FCRL2: variants seen among roughly 807,000 people sequenced by gnomAD.
FCRL2 encodes the protein Fc receptor like 2, also known as Fc receptor-like protein 2.
In FCRL2, 48 loss-of-function variants were observed where a neutral mutation model predicts 59.8. That is an observed-to-expected ratio of 0.80 (90% confidence interval 0.64 to 1.02). The LOEUF (loss-of-function observed/expected upper bound fraction) is 1.02, where lower values mean the gene tolerates loss of function less well. Among genes scored for constraint, FCRL2 ranks in the 50% least tolerant of loss-of-function variants. The probability of loss-of-function intolerance (pLI) is 0.00; values close to 1 mark genes in which losing one functional copy is unlikely to be tolerated. For synonymous variants in FCRL2, 251 were observed against 229.5 expected (o/e 1.09, Z -0.85); for missense variants, 658 against 597.3 (o/e 1.10, Z -1.06).
At chr1:157,766,711 A>G (rs905136664) in intron 7 of FCRL2, 144 bp downstream of exon 7, 22 of 1,355,952 alleles carry the variant, frequency 1.6e-5, no homozygotes, top group Non-Finnish European at 2.2e-5. Context: ...CATTGCACAG[A>G]GCCTTGCAGA....
chr1:157,766,736 A>C, intron 7 of FCRL2, 119 bp downstream of exon 7: 1 of 1,515,876 alleles, frequency 6.6e-7, no homozygotes, highest in Middle Eastern at 1.8e-4. Flanking sequence ...TGAAGCATAA[A>C]AAGAAATTAT....
intron 7 of FCRL2, among the ~76,000 whole-genome samples, chr1:157,765,260 T>C (rs1649406067): frequency 6.6e-6 from 1 of 152,130 alleles, no homozygotes; most frequent in Non-Finnish European, 1.5e-5. Flanking sequence ...ATAGAAAACC[T>C]GAATAAACCA....
Position 157,746,050 on chromosome 1 carries a change from C to A in FCRL2, c.*686G>T, listed in dbSNP as rs1184899775. 1 of 152,160 alleles carries A rather than the reference C, an allele frequency of 6.6e-6. No homozygotes were observed. The highest frequency in any genetic ancestry group is 6.5e-5 in the Admixed American group (1 of 15,282). The allele number at this position is 152,160 out of a possible 1,614,324, so 9.4% of individuals were successfully genotyped here. A position where few individuals can be genotyped will look rare whatever the true frequency, so the allele number is the denominator to read the frequency against. On this transcript the variant is annotated 3_prime_UTR_variant, in exon 12 of 12. Coordinates refer to ENST00000361516, the MANE Select transcript of FCRL2 (RefSeq NM_030764.4). ...AGATTGAACCAGGAAGAGACAGAAA[C>A]CCCTCCTAGACCAATATCAAGCGCT...
rs576444311 is a variant in FCRL2 at position 157,774,046 on chromosome 1, G to GT, written c.52+1728dup. Among the ~76,000 whole-genome samples the GT allele has an allele frequency of 1.5e-3, 224 of 152,350 alleles. 1 individual carries two copies. Among genetic ancestry groups the GT allele is most frequent in the Middle Eastern group, 0.014 (4 of 294 alleles). ...AGCAAGATGTACAGGACTGAATAAT[G>GT]TTTTTTCACAAGAATTTCAGTGAAA... On this transcript the variant is annotated intron_variant, in intron 2 of 11. Coordinates refer to ENST00000361516, the MANE Select transcript of FCRL2 (RefSeq NM_030764.4).
chr1:157,767,747 G>A, intron 5 of FCRL2: 1 of 1,466,150 alleles, frequency 6.8e-7, no homozygotes, highest in Non-Finnish European at 9.1e-7. Flanking sequence ...TCATCTGATT[G>A]TTTTCCTGTG....
In FCRL2 at chr1:157,749,048, A is replaced by T. The variant is rs192002921; in HGVS notation, c.1308-88T>A. The T allele has an allele frequency of 4.0e-4, 444 of 1,107,116 alleles. 1 individual carries two copies. The highest frequency in any genetic ancestry group is 5.8e-4 in the Non-Finnish European group (428 of 737,862). The allele number at this position is 1,107,116 out of a possible 1,614,324, so 68.6% of individuals were successfully genotyped here. Reference sequence around the variant, plus strand: ...ACTGGCTGAGGAGAGAGCAGGTGGAAGCCCTGCAGCCATGGCTCTCTGCTT... The same window carrying T: ...ACTGGCTGAGGAGAGAGCAGGTGGATGCCCTGCAGCCATGGCTCTCTGCTT... On this transcript the variant is annotated intron_variant, in intron 8 of 11. Coordinates refer to ENST00000361516, the MANE Select transcript of FCRL2 (RefSeq NM_030764.4).
chr1:157,755,924 A>C (rs1648556623), intron 7 of FCRL2, among the ~76,000 whole-genome samples: 1 of 152,298 alleles, frequency 6.6e-6, no homozygotes, highest in South Asian at 2.1e-4. Context: ...GAGAGAAAGG[A>C]TTACTTTTTA....
chr1:157,772,321 A>G (rs573701777), intron 2 of FCRL2, among the ~76,000 whole-genome samples: 1 of 152,248 alleles, frequency 6.6e-6, no homozygotes, highest in African/African-American at 2.4e-5. Context: ...TGACAAAGTG[A>G]GACTTTGAGT....
At chr1:157,768,940 A>G in intron 4 of FCRL2, 2 of 447,834 alleles carry the variant, frequency 4.5e-6, no homozygotes, top group South Asian at 4.1e-5. Context: ...AGACTTTGTG[A>G]TAGATCTCCA....
At position 157,772,858 on chromosome 1, in the gene FCRL2, C is replaced by A. The variant is rs141463091; in HGVS notation, c.53-2192G>T. On this transcript the variant is annotated intron_variant, in intron 2 of 11. Coordinates refer to ENST00000361516, the MANE Select transcript of FCRL2 (RefSeq NM_030764.4). ...GTGTTTACTTAAGAGGTTCCAGAGA[C>A]AGAAACTCAAAGCAAACCAGGTGCC... 3.2e-3 allele frequency among the ~76,000 whole-genome samples: 487 copies of A among 152,276 alleles called. 5 individuals are homozygous for A. The highest frequency in any genetic ancestry group is 0.011 in the African/African-American group (459 of 41,552).
chr1:157,768,832 A>C, intron 4 of FCRL2, 131 bp from the exon 5 acceptor site: 4 of 897,856 alleles, frequency 4.5e-6, no homozygotes, highest in Non-Finnish European at 6.7e-6. Context: ...AAGCATTCCT[A>C]TGGAGGTAGG....
chr1:157,757,514 A>T (rs1020473941), intron 7 of FCRL2, among the ~76,000 whole-genome samples: 2 of 152,138 alleles, frequency 1.3e-5, no homozygotes, highest in African/African-American at 4.8e-5. Flanking sequence ...ACAACAGAGA[A>T]TTTGCTCTTT....
chr1:157,766,792 C>T (rs1190697754), intron 7 of FCRL2, 63 bp downstream of exon 7: 32 of 1,575,244 alleles, frequency 2.0e-5, no homozygotes, highest in Non-Finnish European at 2.6e-5. Flanking sequence ...TTTGTAATTT[C>T]AATCTATATC....
intron 7 of FCRL2, among the ~76,000 whole-genome samples, chr1:157,758,176 C>T (rs1404204083): frequency 6.6e-6 from 1 of 152,110 alleles, no homozygotes; most frequent in Non-Finnish European, 1.5e-5. Flanking sequence ...GGAAACAGAA[C>T]AGAGTTGGTT....
chr1:157,764,428 T>A (rs148461233), intron 7 of FCRL2, among the ~76,000 whole-genome samples: 1 of 152,248 alleles, frequency 6.6e-6, no homozygotes, highest in East Asian at 1.9e-4. Context: ...GAATAGTAAA[T>A]CAACAAAGAA....
intron 7 of FCRL2, among the ~76,000 whole-genome samples, chr1:157,757,587 G>A (rs956421218): frequency 6.6e-6 from 1 of 152,198 alleles, no homozygotes; most frequent in Admixed American, 6.5e-5. Flanking sequence ...CTGCCTGCAA[G>A]CTAAGAGAAG....
chr1:157,746,854 C>A lies in FCRL2; in HGVS notation c.1488+17G>T, dbSNP rs747273680. 35 of 1,613,882 alleles carry A rather than the reference C, an allele frequency of 2.2e-5. No homozygotes were observed. The highest frequency in any genetic ancestry group is 2.9e-5 in the Non-Finnish European group (34 of 1,179,952). ...GAAGGAAGGAAAGATGAAGAAATTC[C>A]AAGGTGTCTAGCTCACCTTGTTCTC... On this transcript the variant is annotated intron_variant, in intron 11 of 11. Transcript: ENST00000361516.
At chr1:157,758,177 A>G (rs565234999) in intron 7 of FCRL2, among the ~76,000 whole-genome samples, 7 of 152,340 alleles carry the variant, frequency 4.6e-5, no homozygotes, top group African/African-American at 1.7e-4. Flanking sequence ...GAAACAGAAC[A>G]GAGTTGGTTA....
chr1:157,776,805 C>T (rs1298242957), intron 1 of FCRL2, among the ~76,000 whole-genome samples: 1 of 152,048 alleles, frequency 6.6e-6, no homozygotes, highest in East Asian at 1.9e-4. Flanking sequence ...AATTCATGAC[C>T]AGCAAATGGA....
Sources: gnomAD v4.1 joint callset for allele counts (sites outside exome capture counted in the v4.1 genomes callset) on GRCh38, gnomAD v4.1.1 for gene constraint, MANE v1.5 for transcripts, NCBI Gene and HGNC (gene_info 2026-07-23, HGNC 2026-07-21) for gene names.